Variants in BMP2 observed in about 807,000 individuals in gnomAD.
The protein encoded by BMP2 is bone morphogenetic protein 2A.
A neutral mutation model predicts 28.8 loss-of-function variants in BMP2; 2 were observed. The ratio of observed to expected loss-of-function variants is 0.07; its 90% CI spans 0.03 to 0.22. The LOEUF (loss-of-function observed/expected upper bound fraction) is 0.22. Among genes scored for constraint, BMP2 ranks in the 10% least tolerant of loss-of-function variants. The pLI is 1.00. For missense variants in BMP2, 437 were observed against 517.7 expected (o/e 0.84, Z 1.51); for synonymous variants, 218 against 204.3 (o/e 1.07, Z -0.57).
intron 1 of BMP2, among the ~76,000 whole-genome samples, chr20:6,769,822 C>T (rs1369171701): frequency 1.3e-5 from 2 of 152,014 alleles, no homozygotes; most frequent in African/African-American, 4.8e-5. Context: ...GTGTCACACA[C>T]AAAAAAGTGA....
chr20:6,771,617 T>C (rs1432371308), intron 2 of BMP2, among the ~76,000 whole-genome samples: 2 of 152,352 alleles, frequency 1.3e-5, no homozygotes, highest in South Asian at 2.1e-4. Context: ...GGGTGACTTA[T>C]ACTTGTGAGA....
chr20:6,776,560 C>A (rs1466108921), intron 2 of BMP2, among the ~76,000 whole-genome samples: 1 of 152,238 alleles, frequency 6.6e-6, no homozygotes, highest in Non-Finnish European at 1.5e-5. Context: ...TGTGGTCTTA[C>A]AGTTCCCAGA....
intron 2 of BMP2, among the ~76,000 whole-genome samples, chr20:6,773,572 G>A (rs1727280395): frequency 6.6e-6 from 1 of 152,146 alleles, no homozygotes; most frequent in Admixed American, 6.5e-5. Flanking sequence ...TTTTCACTGA[G>A]ACAATAAGAG....
At chr20:6,774,950 G>A (rs1340792297) in intron 2 of BMP2, among the ~76,000 whole-genome samples, 2 of 152,156 alleles carry the variant, frequency 1.3e-5, no homozygotes, top group East Asian at 3.9e-4. Flanking sequence ...TTGGAGAAAA[G>A]TTCAGATATC....
chr20:6,767,778 C>A lies in BMP2; in HGVS notation c.-1105C>A, dbSNP rs1197946745. ...AGTCGCTCCGCTTCCCACACCCCGC[C>A]GGGGACTGGCAGCCGCCGCCGCACA... On this transcript the variant is annotated 5_prime_UTR_variant, in exon 1 of 3. Coordinates refer to ENST00000378827, the MANE Select transcript of BMP2 (RefSeq NM_001200.4). 7.5e-6 allele frequency: 2 copies of A among 268,184 alleles called. No individual in the cohort carries two copies. Among genetic ancestry groups the A allele is most frequent in the South Asian group, 1.5e-4 (1 of 6,670 alleles). 16.6% of individuals were successfully genotyped at this position (268,184 alleles called of 1,614,324 possible).
rs781128305 is a variant in BMP2, at chr20:6,778,333, C to T, written c.435C>T (p.Ile145=). 1 of 1,614,202 alleles carries T rather than the reference C, an allele frequency of 6.2e-7. No individual in the cohort carries two copies. The highest frequency in any genetic ancestry group is 8.5e-7 in the Non-Finnish European group (1 of 1,180,036). Residue 145 remains isoleucine (I), a synonymous_variant, in exon 3 of 3, where the codon ATC becomes ATT. Coordinates refer to ENST00000378827, the MANE Select transcript of BMP2 (RefSeq NM_001200.4). This position sits in a 1 kb window ranked among gnomAD's most constrained non-coding sequence, Gnocchi z 5.0. The part of the protein sequence containing the change: ...NLSSIPTEEF[I]TSAELQVFRE... ...GTTCTATCCCCACGGAGGAGTTTAT[C>T]ACCTCAGCAGAGCTTCAGGTTTTCC...
chr20:6,773,242 T>A (rs1327017935), intron 2 of BMP2, among the ~76,000 whole-genome samples: 3 of 152,358 alleles, frequency 2.0e-5, no homozygotes, highest in East Asian at 3.9e-4. Flanking sequence ...AAGAAATAAC[T>A]ATTGCCCTGC....
At chr20:6,774,403 G>A (rs1986458690) in intron 2 of BMP2, among the ~76,000 whole-genome samples, 1 of 152,130 alleles carries the variant, frequency 6.6e-6, no homozygotes, top group South Asian at 2.1e-4. Flanking sequence ...GCCCATGCCT[G>A]TAATCCGAGC....
chr20:6,774,149 A>G (rs923063155), intron 2 of BMP2, among the ~76,000 whole-genome samples: 2 of 151,980 alleles, frequency 1.3e-5, no homozygotes, highest in African/African-American at 2.4e-5. Context: ...TGTACTAAAT[A>G]TAAATGTGCC....
chr20:6,768,521 C>A lies in BMP2; in HGVS notation c.-362C>A. 1 of 392,886 alleles carries A rather than the reference C, an allele frequency of 2.5e-6. No homozygotes were observed. The highest frequency in any genetic ancestry group is 4.5e-6 in the Non-Finnish European group (1 of 222,742). 24.3% of individuals were successfully genotyped at this position (392,886 alleles called of 1,614,324 possible). On this transcript the variant is annotated 5_prime_UTR_variant, in exon 1 of 3. Coordinates refer to ENST00000378827, the MANE Select transcript of BMP2 (RefSeq NM_001200.4). ...CCCTTCCCTTCCCTGCCCCGCACTC[C>A]TCCCCCTGCTCGCTGTTGTTGTGTG...
chr20:6,768,643 C>T lies in BMP2; in HGVS notation c.-240C>T, dbSNP rs575135717. ...TTTGCCCCAGCGGAGCCTGCTTCGC[C>T]ATCTCCGAGCCCCACCGCCCCTCCA... On this transcript the variant is annotated 5_prime_UTR_variant, in exon 1 of 3. Coordinates refer to ENST00000378827, the MANE Select transcript of BMP2 (RefSeq NM_001200.4). The T allele has an allele frequency of 5.0e-6, 2 of 396,396 alleles. No homozygotes were observed. The highest frequency in any genetic ancestry group is 4.4e-5 in the Admixed American group (1 of 22,664). 24.6% of individuals were successfully genotyped at this position (396,396 alleles called of 1,614,324 possible).
Position 6,779,706 on chromosome 20 carries a change from T to C in BMP2, c.*617T>C, listed in dbSNP as rs1986585353. The C allele has an allele frequency of 6.6e-6, 1 of 152,640 alleles. No individual in the cohort carries two copies. The allele number at this position is 152,640 out of a possible 1,614,324, so 9.5% of individuals were successfully genotyped here. ...GGAATGTTGCAGAGTGATTGTCCAATCCATGAGAATTTACATCCTTATTAG... is the reference window on the plus strand; with the variant it reads ...GGAATGTTGCAGAGTGATTGTCCAACCCATGAGAATTTACATCCTTATTAG... On this transcript the variant is annotated 3_prime_UTR_variant, in exon 3 of 3. Coordinates refer to ENST00000378827, the MANE Select transcript of BMP2 (RefSeq NM_001200.4).
chr20:6,770,067 G>T (rs974200174), intron 1 of BMP2, 53 bp from the exon 2 acceptor site: 2 of 1,466,572 alleles, frequency 1.4e-6, no homozygotes, highest in East Asian at 2.5e-5. Context: ...GGGGGCGCGA[G>T]GGGGGAGGAC....
Position 6,779,034 on chromosome 20 carries a change from A to G in BMP2, c.1136A>G (p.Lys379Arg), listed in dbSNP as rs1986566467. The change falls in exon 3 of 3, where the codon AAG (lysine) becomes AGG (arginine). Residue 379 changes from lysine to arginine, a missense_variant. Lys to Arg is a conservative substitution (Grantham distance 26). Coordinates refer to ENST00000378827, the MANE Select transcript of BMP2 (RefSeq NM_001200.4). Reference protein sequence around the residue: ...ISMLYLDENEKVVLKNYQDMV... With the variant: ...ISMLYLDENERVVLKNYQDMV... ...ATGCTGTACCTTGACGAGAATGAAA[A>G]GGTTGTATTAAAGAACTATCAGGAC... 6.2e-7 allele frequency: 1 copy of G among 1,613,444 alleles called. No individual in the cohort carries two copies. Among genetic ancestry groups the G allele is most frequent in the Non-Finnish European group, 8.5e-7 (1 of 1,179,944 alleles).
At position 6,768,149 on chromosome 20, in the gene BMP2, C is replaced by A. The variant is rs531688342; in HGVS notation, c.-734C>A. 8.0e-5 allele frequency: 32 copies of A among 398,122 alleles called. No individual in the cohort carries two copies. Among genetic ancestry groups the A allele is most frequent in the Non-Finnish European group, 1.3e-4 (29 of 225,812 alleles). 24.7% of individuals were successfully genotyped at this position (398,122 alleles called of 1,614,324 possible). A position where few individuals can be genotyped will look rare whatever the true frequency, so the allele number is the denominator to read the frequency against. ...TAGGAGAGCGAGGGGAGAGCACAGCCACCCGCCTCGGCGGCCCGGGACTCG... is the reference window on the plus strand; with the variant it reads ...TAGGAGAGCGAGGGGAGAGCACAGCAACCCGCCTCGGCGGCCCGGGACTCG... On this transcript the variant is annotated 5_prime_UTR_variant, in exon 1 of 3. Coordinates refer to ENST00000378827, the MANE Select transcript of BMP2 (RefSeq NM_001200.4).
rs796654883 is a variant in BMP2 at position 6,770,217 on chromosome 20, A to C, written c.91A>C (p.Arg31=). 1.3e-6 allele frequency: 2 copies of C among 1,598,414 alleles called. No homozygotes were observed. Among genetic ancestry groups the C allele is most frequent in the Non-Finnish European group, 1.7e-6 (2 of 1,173,404 alleles). Residue 31 remains arginine (R), a synonymous_variant, in exon 2 of 3, where the codon AGG becomes CGG. Coordinates refer to ENST00000378827, the MANE Select transcript of BMP2 (RefSeq NM_001200.4). ...AAGLVPELGR[R]KFAAASSGRP... Reference sequence around the variant, plus strand: ...TGGCCTCGTTCCGGAGCTGGGCCGCAGGAAGTTCGCGGCGGCGTCGTCGGG... The same window carrying C: ...TGGCCTCGTTCCGGAGCTGGGCCGCCGGAAGTTCGCGGCGGCGTCGTCGGG...
At chr20:6,770,033 CAGCCA>C in intron 1 of BMP2, 82 bp from the exon 2 acceptor site, 1 of 1,374,794 alleles carries the variant, frequency 7.3e-7, no homozygotes, top group Non-Finnish European at 9.7e-7. Flanking sequence ...GGAGGCACGC[CAGCCA>C]AATGGGAGAC....
rs1439828022 is a variant in BMP2 at position 6,778,012 on chromosome 20, G to T, written c.347-233G>T. Among the ~76,000 whole-genome samples, 1 of 151,966 alleles carries T rather than the reference G, an allele frequency of 6.6e-6. No homozygotes were observed. The highest frequency in any genetic ancestry group is 1.5e-5 in the Non-Finnish European group (1 of 68,010). On this transcript the variant is annotated intron_variant, in intron 2 of 2. Transcript: ENST00000378827. The surrounding 1 kb of genome is among the most constrained non-coding windows in gnomAD (Gnocchi z 5.0). Reference sequence around the variant, plus strand: ...AAAACACAACAAAGAATTATGAAAGGTTGTTTCCTGGTATGCAATGCATGA... The same window carrying T: ...AAAACACAACAAAGAATTATGAAAGTTTGTTTCCTGGTATGCAATGCATGA...
At position 6,768,470 on chromosome 20, in the gene BMP2, G is replaced by A. The variant is rs1986307676; in HGVS notation, c.-413G>A. On this transcript the variant is annotated 5_prime_UTR_variant, in exon 1 of 3. Coordinates refer to ENST00000378827, the MANE Select transcript of BMP2 (RefSeq NM_001200.4). ...CCCTCGGGCGCTGGTTCCTAAGGAG[G>A]ACGACAGCACCAGCTTCTCCTTTCT... The A allele has an allele frequency of 2.5e-6, 1 of 393,086 alleles. No individual in the cohort carries two copies. Among genetic ancestry groups the A allele is most frequent in the Non-Finnish European group, 4.5e-6 (1 of 222,896 alleles). The allele number at this position is 393,086 out of a possible 1,614,324, so 24.3% of individuals were successfully genotyped here.
Sources: allele counts gnomAD v4.1 joint callset (sites outside exome capture counted in the v4.1 genomes callset), GRCh38; gene constraint gnomAD v4.1.1; non-coding constraint Gnocchi (gnomAD v3.1); transcripts MANE v1.5; gene names NCBI Gene and HGNC (gene_info 2026-07-23, HGNC 2026-07-21).